The following ELAVL4 variants were observed in gnomAD, a reference collection of about 807,000 sequenced individuals.
The protein encoded by ELAVL4 is ELAV like RNA binding protein 4.
Under a neutral mutation model 35.6 loss-of-function variants are expected in ELAVL4, and 1 was observed. The observed-to-expected ratio is 0.03, with a 90% confidence interval of 0.01 to 0.13. The LOEUF is 0.13. ELAVL4 is among the 10% of genes least tolerant of loss of function. The pLI, the probability that ELAVL4 is intolerant of heterozygous loss-of-function variation, is 1.00. For synonymous variants in ELAVL4, 156 were observed against 171.0 expected (o/e 0.91, Z 0.69); for missense variants, 267 against 464.9 (o/e 0.57, Z 3.91).
intron 3 of ELAVL4, among the ~76,000 whole-genome samples, chr1:50,183,718 CCCTGCATCCA>C (rs1437102271): frequency 6.6e-6 from 1 of 152,186 alleles, no homozygotes. Context: ...CCCCTCTCCT[CCCTGCATCCA>C]CCTGCCTTGC....
intron 1 of ELAVL4, among the ~76,000 whole-genome samples, chr1:50,077,585 A>G (rs561618515): frequency 2.0e-5 from 3 of 152,328 alleles, no homozygotes; most frequent in Admixed American, 2.0e-4. Flanking sequence ...CACCTCACAG[A>G]CATATCTAAA....
At chr1:50,087,369 C>T (rs1310081503) in intron 1 of ELAVL4, among the ~76,000 whole-genome samples, 1 of 152,188 alleles carries the variant, frequency 6.6e-6, no homozygotes, top group Admixed American at 6.5e-5. Context: ...CACTCTAGTA[C>T]TTTCTACTGT....
At chr1:50,146,143 A>G (rs989252093) in intron 2 of ELAVL4, among the ~76,000 whole-genome samples, 2 of 142,088 alleles carry the variant, frequency 1.4e-5, no homozygotes, top group Non-Finnish European at 3.0e-5. Context: ...TTAATCAGCA[A>G]CTGTCCTAGA....
intron 1 of ELAVL4, among the ~76,000 whole-genome samples, chr1:50,134,471 G>A (rs1671558847): frequency 6.6e-6 from 1 of 152,110 alleles, no homozygotes; most frequent in Admixed American, 6.6e-5. Context: ...AGGCATTTTA[G>A]TTATTTTATC....
rs114674895 is a variant in ELAVL4 at position 50,189,565 on chromosome 1, G to A, written c.355-4200G>A. 3.2e-3 allele frequency among the ~76,000 whole-genome samples: 484 copies of A among 152,340 alleles called. 4 individuals are homozygous for A. Among genetic ancestry groups the A allele is most frequent in the African/African-American group, 0.011 (459 of 41,574 alleles). ...GACCCCACCAGGGTGGCAGAGGAGGGCAGTGCCTCTACAGGCATTCCCTGG... is the reference window on the plus strand; with the variant it reads ...GACCCCACCAGGGTGGCAGAGGAGGACAGTGCCTCTACAGGCATTCCCTGG... On this transcript the variant is annotated intron_variant, in intron 3 of 6. Coordinates refer to ENST00000371824, the MANE Select transcript of ELAVL4 (RefSeq NM_001144774.3).
chr1:50,109,866 G>A, intron 1 of ELAVL4: 5 of 1,592,564 alleles, frequency 3.1e-6, no homozygotes, highest in Non-Finnish European at 4.3e-6. Flanking sequence ...CTGTAAGAAG[G>A]AATGTCAGCT....
intron 1 of ELAVL4, among the ~76,000 whole-genome samples, chr1:50,067,933 A>T (rs916954726): frequency 6.6e-6 from 1 of 152,150 alleles, no homozygotes; most frequent in Admixed American, 6.5e-5. Context: ...ACTCGCTATC[A>T]CAAGAACAGC....
chr1:50,148,131 G>A (rs1381845031), intron 2 of ELAVL4, among the ~76,000 whole-genome samples: 1 of 152,142 alleles, frequency 6.6e-6, no homozygotes, highest in Non-Finnish European at 1.5e-5. Flanking sequence ...TTAACACGGA[G>A]CCTCCATTTT....
At chr1:50,195,056 T>C (rs1643953425) in intron 4 of ELAVL4, among the ~76,000 whole-genome samples, 1 of 39,644 alleles carries the variant, frequency 2.5e-5, no homozygotes, top group Admixed American at 4.4e-4. Context: ...GGGTATTTTG[T>C]AGGTTTTGTT....
intron 2 of ELAVL4, among the ~76,000 whole-genome samples, chr1:50,158,210 G>T (rs1010902663): frequency 4.6e-5 from 7 of 152,228 alleles, no homozygotes; most frequent in Admixed American, 4.6e-4. Flanking sequence ...GTGAGATGTA[G>T]GTATTATTAG....
At chr1:50,087,528 G>A (rs1013164631) in intron 1 of ELAVL4, among the ~76,000 whole-genome samples, 1 of 152,138 alleles carries the variant, frequency 6.6e-6, no homozygotes, top group Admixed American at 6.5e-5. Context: ...TCACCTTAGC[G>A]ATGTGACCTA....
At chr1:50,107,898 CATA>C (rs1020272230), upstream of ELAVL4, among the ~76,000 whole-genome samples, 117 of 152,288 alleles carry the variant, frequency 7.7e-4, 1 homozygote, top group African/African-American at 2.7e-3. Context: ...TATACCTCAC[CATA>C]CACTTGCTAA....
At chr1:50,199,199 A>G (rs919376983) in intron 6 of ELAVL4, among the ~76,000 whole-genome samples, 4 of 152,234 alleles carry the variant, frequency 2.6e-5, no homozygotes. Flanking sequence ...TATATTTAGC[A>G]TATATTCAGT....
At chr1:50,155,418 G>T (rs1675560795) in intron 2 of ELAVL4, among the ~76,000 whole-genome samples, 1 of 152,026 alleles carries the variant, frequency 6.6e-6, no homozygotes. Flanking sequence ...TGCAGGATTG[G>T]ATAGAAAGCC....
intron 2 of ELAVL4, among the ~76,000 whole-genome samples, chr1:50,159,885 G>A (rs1676475576): frequency 6.6e-6 from 1 of 152,020 alleles, no homozygotes; most frequent in Admixed American, 6.6e-5. Flanking sequence ...GCTGCCCCGG[G>A]GTGGGCAAGT....
intron 1 of ELAVL4, among the ~76,000 whole-genome samples, chr1:50,077,304 T>C (rs1187876324): frequency 1.3e-5 from 2 of 152,216 alleles, no homozygotes; most frequent in African/African-American, 4.8e-5. Context: ...GGTATAGTTT[T>C]AGTACAGATG....
At chr1:50,070,620 T>C (rs886545746) in intron 1 of ELAVL4, among the ~76,000 whole-genome samples, 4 of 151,442 alleles carry the variant, frequency 2.6e-5, no homozygotes, top group Admixed American at 6.6e-5. Flanking sequence ...CAGGCACCTG[T>C]AATCCCACCT....
chr1:50,139,512 T>A (rs1264513891), intron 1 of ELAVL4, among the ~76,000 whole-genome samples: 1 of 152,228 alleles, frequency 6.6e-6, no homozygotes, highest in East Asian at 1.9e-4. Flanking sequence ...TTTGTCTTTG[T>A]TATCTCTGTA....
intron 2 of ELAVL4, among the ~76,000 whole-genome samples, chr1:50,161,285 C>T (rs974167158): frequency 7.9e-5 from 12 of 152,002 alleles, no homozygotes; most frequent in Non-Finnish European, 1.3e-4. Flanking sequence ...CATTTTTAAA[C>T]GTGTGACTAT....
Sources: allele counts gnomAD v4.1 joint callset (sites outside exome capture counted in the v4.1 genomes callset), GRCh38; gene constraint gnomAD v4.1.1; transcripts MANE v1.5; gene names NCBI Gene and HGNC (gene_info 2026-07-23, HGNC 2026-07-21).